The following ADAMTS19 variants were observed in gnomAD, a reference collection of about 807,000 sequenced individuals.
ADAMTS19 encodes ADAM metallopeptidase with thrombospondin type 1 motif 19.
ADAMTS19 carries 93 observed loss-of-function variants against 153.3 expected under a neutral mutation model. The ratio of observed to expected loss-of-function variants is 0.61; its 90% CI spans 0.51 to 0.72. The LOEUF (loss-of-function observed/expected upper bound fraction) is 0.72. ADAMTS19 is among the 30% of genes least tolerant of loss of function. The pLI, the probability that ADAMTS19 is intolerant of heterozygous loss-of-function variation, is 0.00. For synonymous variants in ADAMTS19, 600 were observed against 556.6 expected, an observed-to-expected ratio of 1.08 and a Z score of -1.10; for missense variants, 1,482 against 1,552.1, an observed-to-expected ratio of 0.95 and a Z score of 0.76.
At chr5:129,537,604 T>G (rs1255938828) in intron 6 of ADAMTS19, among the ~76,000 whole-genome samples, 3 of 152,098 alleles carry the variant, frequency 2.0e-5, no homozygotes, top group Admixed American at 1.3e-4. Context: ...CCATAAAAAA[T>G]GTTGAGTTCA....
chr5:129,620,284 C>T lies in ADAMTS19; in HGVS notation c.1479-334C>T, dbSNP rs111310375. On this transcript the variant is annotated intron_variant, in intron 8 of 22. Transcript: ENST00000274487. Reference sequence around the variant, plus strand: ...ACAGCAAGAATCTAGTGTGGTTAAACATAAATGTATTATTTCTGAGTTTCA... The same window carrying T: ...ACAGCAAGAATCTAGTGTGGTTAAATATAAATGTATTATTTCTGAGTTTCA... 5.3e-5 allele frequency among the ~76,000 whole-genome samples: 8 copies of T among 151,856 alleles called. 1 individual carries two copies. Among genetic ancestry groups the T allele is most frequent in the African/African-American group, 1.9e-4 (8 of 41,426 alleles).
At chr5:129,708,854 T>C (rs1427890445) in intron 21 of ADAMTS19, among the ~76,000 whole-genome samples, 1 of 152,124 alleles carries the variant, frequency 6.6e-6, no homozygotes, top group Non-Finnish European at 1.5e-5. Context: ...CATATAAAGT[T>C]ATGACATATT....
At chr5:129,587,857 T>C (rs1749899320) in intron 7 of ADAMTS19, among the ~76,000 whole-genome samples, 1 of 152,118 alleles carries the variant, frequency 6.6e-6, no homozygotes, top group Non-Finnish European at 1.5e-5. Flanking sequence ...TGTACTCTTC[T>C]GGATCAAGTC....
intron 8 of ADAMTS19, among the ~76,000 whole-genome samples, chr5:129,602,290 C>T (rs1342514185): frequency 2.6e-5 from 4 of 152,096 alleles, no homozygotes; most frequent in Admixed American, 2.6e-4. Context: ...TAGGTTTCTC[C>T]GTGTTGGTCG....
intron 21 of ADAMTS19, among the ~76,000 whole-genome samples, chr5:129,723,799 T>C (rs1348243296): frequency 2.0e-5 from 3 of 152,168 alleles, no homozygotes; most frequent in Non-Finnish European, 4.4e-5. Flanking sequence ...CGTGTACCCA[T>C]GGTAATCAGG....
intron 7 of ADAMTS19, among the ~76,000 whole-genome samples, chr5:129,562,038 T>C (rs1165050871): frequency 3.3e-5 from 5 of 152,224 alleles, no homozygotes; most frequent in Admixed American, 2.0e-4. Context: ...TTGGTTTTTA[T>C]AGAGTGACAA....
At chr5:129,523,359 C>T (rs138525508) in intron 3 of ADAMTS19, among the ~76,000 whole-genome samples, 1 of 152,108 alleles carries the variant, frequency 6.6e-6, no homozygotes, top group Non-Finnish European at 1.5e-5. Flanking sequence ...GAAGAGACTT[C>T]ACTGAATTTG....
At chr5:129,708,936 GT>G (rs1756308056) in intron 21 of ADAMTS19, among the ~76,000 whole-genome samples, 1 of 152,062 alleles carries the variant, frequency 6.6e-6, no homozygotes. Flanking sequence ...TGGAAGCACA[GT>G]AAATCATTTT....
Position 129,611,831 on chromosome 5 carries a change from G to A in ADAMTS19, c.1479-8787G>A, listed in dbSNP as rs929213672. On this transcript the variant is annotated intron_variant, in intron 8 of 22. Coordinates refer to ENST00000274487, the MANE Select transcript of ADAMTS19 (RefSeq NM_133638.6). ...TTGAAATGAAGGAAAAAATGTTAAG[G>A]GCAGCCAGAGAGAAAGGTCGGGTTA... Among the ~76,000 whole-genome samples the A allele has an allele frequency of 3.0e-4, 45 of 152,028 alleles. 1 individual carries two copies. Among genetic ancestry groups the A allele is most frequent in the African/African-American group, 1.0e-3 (43 of 41,470 alleles).
At chr5:129,507,768 G>A (rs1342927927) in intron 2 of ADAMTS19, among the ~76,000 whole-genome samples, 1 of 151,622 alleles carries the variant, frequency 6.6e-6, no homozygotes, top group Non-Finnish European at 1.5e-5. Context: ...GGCAGAGAGA[G>A]AAAGAAAGGG....
At chr5:129,481,240 G>C (rs937947917) in intron 2 of ADAMTS19, among the ~76,000 whole-genome samples, 1 of 152,156 alleles carries the variant, frequency 6.6e-6, no homozygotes, top group Non-Finnish European at 1.5e-5. Flanking sequence ...CAAGGTGGCA[G>C]GAGAGAGAGA....
Position 129,640,108 on chromosome 5 carries a change from T to A in ADAMTS19, c.1771-1751T>A, listed in dbSNP as rs75935230. 1.5e-3 allele frequency among the ~76,000 whole-genome samples: 232 copies of A among 152,282 alleles called. 2 individuals carry two copies. In the East Asian group the frequency reaches 0.035, roughly 23 times the overall value. On this transcript the variant is annotated intron_variant, in intron 10 of 22. Transcript: ENST00000274487. ...CATATCCTAAATATAATAAGATATA[T>A]TTGTGTGACATATTTTGAAGCTGGA... is the stretch of plus-strand genomic sequence containing the variant.
At chr5:129,547,668 A>G (rs999618679) in intron 6 of ADAMTS19, among the ~76,000 whole-genome samples, 2 of 150,710 alleles carry the variant, frequency 1.3e-5, no homozygotes, top group Non-Finnish European at 2.9e-5. Flanking sequence ...GAATTGGAAA[A>G]AACTACTTTA....
At chr5:129,648,710 T>C in intron 12 of ADAMTS19, 88 bp from the exon 13 acceptor site, 2 of 1,048,448 alleles carry the variant, frequency 1.9e-6, no homozygotes, top group Non-Finnish European at 2.8e-6. Flanking sequence ...TAAGGGGTTA[T>C]ATATTATTAA....
rs1329207844 is a variant in ADAMTS19 at position 129,636,078 on chromosome 5, G to C, written c.1771-5781G>C. Among the ~76,000 whole-genome samples, 3 of 152,078 alleles carry C rather than the reference G, an allele frequency of 2.0e-5. 1 individual carries two copies. The highest frequency in any genetic ancestry group is 7.2e-5 in the African/African-American group (3 of 41,418). ...CGTCTGGTTAATTTTTGTATTTTTA[G>C]TAGAGACAAGGTATTACCGTGTTAG... is the stretch of plus-strand genomic sequence containing the variant. On this transcript the variant is annotated intron_variant, in intron 10 of 22. Transcript: ENST00000274487.
At chr5:129,642,710 G>A (rs1752848884) in intron 11 of ADAMTS19, among the ~76,000 whole-genome samples, 1 of 152,140 alleles carries the variant, frequency 6.6e-6, no homozygotes, top group African/African-American at 2.4e-5. Context: ...GAGCATGAAT[G>A]TGTATTACAT....
intron 16 of ADAMTS19, among the ~76,000 whole-genome samples, chr5:129,676,437 T>C (rs1372835723): frequency 6.6e-6 from 1 of 152,130 alleles, no homozygotes; most frequent in African/African-American, 2.4e-5. Flanking sequence ...TTGAACTCCG[T>C]TCTCTGTGTC....
intron 7 of ADAMTS19, among the ~76,000 whole-genome samples, chr5:129,574,332 C>T (rs79344317): frequency 0.024 from 3,612 of 151,898 alleles, 118 homozygotes; most frequent in African/African-American, 0.078. Flanking sequence ...AACAAATACA[C>T]GTGCAGAACG....
At chr5:129,477,807 T>C (rs1225714243) in intron 2 of ADAMTS19, among the ~76,000 whole-genome samples, 1 of 152,164 alleles carries the variant, frequency 6.6e-6, no homozygotes, top group African/African-American at 2.4e-5. Flanking sequence ...CAGCATAGGA[T>C]TGTAAGAAAA....
Sources: gnomAD v4.1 joint callset for allele counts (sites outside exome capture counted in the v4.1 genomes callset) on GRCh38, gnomAD v4.1.1 for gene constraint, MANE v1.5 for transcripts, NCBI Gene and HGNC (gene_info 2026-07-23, HGNC 2026-07-21) for gene names.